Variants in WWC1 observed in about 807,000 individuals in gnomAD.
WWC1 encodes the protein protein KIBRA.
Under a neutral mutation model 138.4 loss-of-function variants are expected in WWC1, and 55 were observed. The ratio of observed to expected loss-of-function variants is 0.40; its 90% CI spans 0.32 to 0.50. The LOEUF (loss-of-function observed/expected upper bound fraction) is 0.50. Among genes scored for constraint, WWC1 ranks in the 20% least tolerant of loss-of-function variants. The pLI is 0.72. For missense variants in WWC1, 1,226 were observed against 1,420.4 expected, an observed-to-expected ratio of 0.86 and a Z score of 2.20; for synonymous variants, 524 against 564.9, an observed-to-expected ratio of 0.93 and a Z score of 1.03.
At position 168,425,646 on chromosome 5, in the gene WWC1, C is replaced by T. The variant is rs1179883676; in HGVS notation, c.1810+1578C>T. Among the ~76,000 whole-genome samples the T allele has an allele frequency of 2.0e-5, 3 of 147,586 alleles. No individual in the cohort carries two copies. In the Middle Eastern group the frequency reaches 0.01, roughly 505 times the overall value. On this transcript the variant is annotated intron_variant, in intron 11 of 22. Transcript: ENST00000265293. ...AGCTGGAATTACAGGTGCACATCAC[C>T]ATGCCTGGCTAATTTTTTTTTTTTG...
intron 15 of WWC1, among the ~76,000 whole-genome samples, chr5:168,436,084 C>T (rs1008311447): frequency 6.6e-6 from 1 of 152,110 alleles, no homozygotes; most frequent in Admixed American, 6.5e-5. Flanking sequence ...CTCAAGCGAT[C>T]CACCCACCTT....
At chr5:168,368,440 CAG>C (rs999061302) in intron 1 of WWC1, among the ~76,000 whole-genome samples, 7 of 152,188 alleles carry the variant, frequency 4.6e-5, no homozygotes, top group Admixed American at 2.0e-4. Flanking sequence ...TACGCAGAAA[CAG>C]GGGAGCTGTT....
Position 168,444,493 on chromosome 5 carries a change from G to C in WWC1, c.2434-1G>C. ...TGACCCAGCAACCTTTGTCTCTATA[G>C]GACGCTGTGTCTGCTCTGTTGGAAC... On this transcript the variant is annotated splice_acceptor_variant, in intron 16 of 22. Transcript: ENST00000265293. LOFTEE classifies it high-confidence loss of function. 1 of 1,568,562 alleles carries C rather than the reference G, an allele frequency of 6.4e-7. No individual in the cohort carries two copies. Among genetic ancestry groups the C allele is most frequent in the Non-Finnish European group, 8.7e-7 (1 of 1,155,356 alleles).
intron 17 of WWC1, among the ~76,000 whole-genome samples, chr5:168,452,412 A>G (rs1755912556): frequency 6.6e-6 from 1 of 152,124 alleles, no homozygotes; most frequent in South Asian, 2.1e-4. Flanking sequence ...TCATACGAGG[A>G]TATTTGGACA....
chr5:168,444,609 C>G (rs1415893612), intron 17 of WWC1, 24 bp downstream of exon 17: 1 of 1,611,882 alleles, frequency 6.2e-7, no homozygotes, highest in Admixed American at 1.7e-5. Context: ...CCCTTGGGCC[C>G]CAGGAGCTGC....
intron 1 of WWC1, among the ~76,000 whole-genome samples, chr5:168,331,495 C>T (rs758411290): frequency 6.6e-6 from 1 of 152,182 alleles, no homozygotes; most frequent in African/African-American, 2.4e-5. Context: ...AACCCCAAGA[C>T]AACTGAGAGT....
At chr5:168,429,248 T>C (rs958813238) in intron 13 of WWC1, among the ~76,000 whole-genome samples, 1 of 147,582 alleles carries the variant, frequency 6.8e-6, no homozygotes, top group Non-Finnish European at 1.5e-5. Context: ...GGGGATGATA[T>C]GATCTCAATT....
chr5:168,364,748 G>A lies in WWC1; in HGVS notation c.120-6676G>A, dbSNP rs186735355. 5.7e-3 allele frequency among the ~76,000 whole-genome samples: 869 copies of A among 152,294 alleles called. 11 individuals are homozygous for A. Among genetic ancestry groups the A allele is most frequent in the African/African-American group, 0.02 (823 of 41,570 alleles). On this transcript the variant is annotated intron_variant, in intron 1 of 22. Coordinates refer to ENST00000265293, the MANE Select transcript of WWC1 (RefSeq NM_015238.3). ...GCTCAACACAAGGGCAGTGGTCAGA[G>A]GAATAATCCAAAGTGCATACCCAGG...
At chr5:168,406,891 G>A (rs1042419744) in intron 6 of WWC1, among the ~76,000 whole-genome samples, 6 of 152,142 alleles carry the variant, frequency 3.9e-5, no homozygotes, top group Admixed American at 1.3e-4. Context: ...GCAGTGAGCC[G>A]AGATAGCACC....
At position 168,291,805 on chromosome 5, in the gene WWC1, A is replaced by AGCGCGCC. The variant is rs959851859; in HGVS notation, c.-342_-336dup. 3 of 151,050 alleles carry AGCGCGCC rather than the reference A, an allele frequency of 2.0e-5. No individual in the cohort carries two copies. Among genetic ancestry groups the AGCGCGCC allele is most frequent in the East Asian group, 1.9e-4 (1 of 5,146 alleles). The allele number at this position is 151,050 out of a possible 1,614,324, so 9.4% of individuals were successfully genotyped here. A position where few individuals can be genotyped will look rare whatever the true frequency, so the allele number is the denominator to read the frequency against. ...GCGGCAGCGGCGGCGTGGAGGGCGC[A>AGCGCGCC]GCGCGCCGCGCGGCGGAGGAGGGCA... On this transcript the variant is annotated 5_prime_UTR_variant, in exon 1 of 23. Transcript: ENST00000265293.
intron 11 of WWC1, among the ~76,000 whole-genome samples, chr5:168,427,289 G>A (rs1433970945): frequency 6.6e-6 from 1 of 152,156 alleles, no homozygotes; most frequent in African/African-American, 2.4e-5. Flanking sequence ...TTGCCTGCCT[G>A]CACCAATCTC....
At chr5:168,354,133 C>G (rs779352729) in intron 1 of WWC1, among the ~76,000 whole-genome samples, 5 of 151,662 alleles carry the variant, frequency 3.3e-5, no homozygotes, top group Admixed American at 6.6e-5. Context: ...TCACTGCAAT[C>G]TCTGCCTCCT....
chr5:168,376,979 T>C (rs112970675), intron 2 of WWC1, among the ~76,000 whole-genome samples: 1,788 of 152,092 alleles, frequency 0.012, 32 homozygotes, highest in African/African-American at 0.04. Context: ...CCAAAGCAAA[T>C]CTAAGCAAAA....
chr5:168,318,708 T>C lies in WWC1; in HGVS notation c.119+26437T>C, dbSNP rs530894486. Among the ~76,000 whole-genome samples, 21 of 152,118 alleles carry C rather than the reference T, an allele frequency of 1.4e-4. No homozygotes were observed. The South Asian group carries it at 3.5e-3, about 26-fold the overall frequency. Reference sequence around the variant, plus strand: ...CCAAATAGCTGGGATTACAGGCACCTGCTACCACACCTGGCTAATTTTTGT... The same window carrying C: ...CCAAATAGCTGGGATTACAGGCACCCGCTACCACACCTGGCTAATTTTTGT... On this transcript the variant is annotated intron_variant, in intron 1 of 22. Transcript: ENST00000265293.
intron 12 of WWC1, 142 bp from the exon 13 acceptor site, chr5:168,428,565 T>G: frequency 1.4e-6 from 1 of 711,562 alleles, no homozygotes; most frequent in Non-Finnish European, 2.2e-6. Flanking sequence ...AAAAAAAATT[T>G]TTTTTAATTA....
At chr5:168,452,141 G>A (rs1755889650) in intron 17 of WWC1, among the ~76,000 whole-genome samples, 1 of 152,036 alleles carries the variant, frequency 6.6e-6, no homozygotes, top group African/African-American at 2.4e-5. Flanking sequence ...CCTGACCTGG[G>A]GTGATCCGCC....
chr5:168,305,128 AT>A (rs35062575), intron 1 of WWC1, among the ~76,000 whole-genome samples: 63,096 of 136,144 alleles, frequency 0.46, 14,395 homozygotes, highest in East Asian at 0.52. Flanking sequence ...CTGGCCCAGT[AT>A]TTTTTTTTTT....
intron 1 of WWC1, among the ~76,000 whole-genome samples, chr5:168,295,880 A>C (rs1187988739): frequency 6.6e-6 from 1 of 152,186 alleles, no homozygotes; most frequent in Non-Finnish European, 1.5e-5. Flanking sequence ...TTGTCCCAAC[A>C]ACCGGAGAGG....
Position 168,467,615 on chromosome 5 carries a change from A to G in WWC1, c.3151-225A>G, listed in dbSNP as rs928854485. The stretch of plus-strand genomic sequence containing the variant: ...TCAACAGGCAGCCCTCATCTCCTCA[A>G]TTCCTCAGATCCACAGTTATTCCGT... On this transcript the variant is annotated intron_variant, in intron 21 of 22. Transcript: ENST00000265293. 15 of 579,404 alleles carry G rather than the reference A, an allele frequency of 2.6e-5. No homozygotes were observed. The African/African-American group carries it at 2.6e-4, about 10-fold the overall frequency. 35.9% of individuals were successfully genotyped at this position (579,404 alleles called of 1,614,324 possible).
Sources: gnomAD v4.1 joint callset for allele counts (sites outside exome capture counted in the v4.1 genomes callset) on GRCh38, gnomAD v4.1.1 for gene constraint, MANE v1.5 for transcripts, NCBI Gene and HGNC (gene_info 2026-07-23, HGNC 2026-07-21) for gene names.